EPHA3: variants seen among roughly 807,000 people sequenced by gnomAD.
EPHA3 encodes EPH receptor A3.
A neutral mutation model predicts 107.1 loss-of-function variants in EPHA3; 42 were observed. The ratio of observed to expected loss-of-function variants is 0.39; its 90% CI spans 0.31 to 0.51. The LOEUF is 0.51. Ranked by LOEUF, EPHA3 falls within the 20% of genes least tolerant of loss-of-function variation. The pLI is 0.78. For synonymous variants in EPHA3, 461 were observed against 424.8 expected (o/e 1.09, Z -1.05); for missense variants, 1,183 against 1,211.2 (o/e 0.98, Z 0.35).
intron 15 of EPHA3, among the ~76,000 whole-genome samples, chr3:89,470,178 T>C (rs1272170453): frequency 2.0e-5 from 3 of 152,064 alleles, no homozygotes; most frequent in Non-Finnish European, 2.9e-5. Flanking sequence ...GGAATGATTG[T>C]GAAGTTGTAA....
At chr3:89,295,947 C>T (rs1706343469) in intron 3 of EPHA3, among the ~76,000 whole-genome samples, 1 of 152,150 alleles carries the variant, frequency 6.6e-6, no homozygotes, top group South Asian at 2.1e-4. Flanking sequence ...GATTTCATCT[C>T]AAGGAATAAT....
intron 5 of EPHA3, among the ~76,000 whole-genome samples, chr3:89,343,658 G>A (rs758983852): frequency 4.6e-5 from 7 of 152,014 alleles, no homozygotes; most frequent in South Asian, 2.1e-4. Context: ...TTTCTCTTTC[G>A]TTTCCACTTT....
rs1400407171 is a variant in EPHA3, at chr3:89,401,108, T to C, written c.1594+1628T>C. ...TGATACCTGATAAAAACTTTCAGGA[T>C]TGACCTAAAAATATAAGAATCATTC... On this transcript the variant is annotated intron_variant, in intron 7 of 16. Coordinates refer to ENST00000336596, the MANE Select transcript of EPHA3 (RefSeq NM_005233.6). Among the ~76,000 whole-genome samples, 4 of 152,204 alleles carry C rather than the reference T, an allele frequency of 2.6e-5. No homozygotes were observed. The South Asian group carries it at 6.2e-4, about 24-fold the overall frequency.
At chr3:89,431,489 T>G (rs1709568852) in intron 13 of EPHA3, 130 bp downstream of exon 13, 1 of 630,934 alleles carries the variant, frequency 1.6e-6, no homozygotes, top group Non-Finnish European at 2.6e-6. Context: ...AAACATATCT[T>G]AAAATTAAAA....
At chr3:89,478,116 A>T (rs528618500) in intron 16 of EPHA3, among the ~76,000 whole-genome samples, 1 of 152,320 alleles carries the variant, frequency 6.6e-6, no homozygotes, top group Admixed American at 6.5e-5. Context: ...AAGAATATAT[A>T]ATTAACCATT....
chr3:89,412,708 T>C (rs780160044), intron 9 of EPHA3, among the ~76,000 whole-genome samples: 5 of 151,778 alleles, frequency 3.3e-5, no homozygotes, highest in East Asian at 1.9e-4. Flanking sequence ...TATAATTGTA[T>C]TGAATTATTT....
At chr3:89,392,142 A>G (rs1708756371) in intron 5 of EPHA3, among the ~76,000 whole-genome samples, 2 of 152,138 alleles carry the variant, frequency 1.3e-5, no homozygotes, top group South Asian at 4.1e-4. Context: ...TGTAAGAGGC[A>G]GAAAATTAAA....
intron 3 of EPHA3, among the ~76,000 whole-genome samples, chr3:89,235,900 A>T (rs1704747159): frequency 1.3e-5 from 2 of 151,984 alleles, no homozygotes; most frequent in Non-Finnish European, 2.9e-5. Context: ...TAAATAAATA[A>T]TAAAAAGTGG....
chr3:89,108,781 C>T (rs752264806), intron 1 of EPHA3, among the ~76,000 whole-genome samples: 5 of 152,150 alleles, frequency 3.3e-5, no homozygotes, highest in African/African-American at 4.8e-5. Flanking sequence ...CTTGTGAATA[C>T]AGTCACTAAC....
At chr3:89,375,366 T>A (rs1360009282) in intron 5 of EPHA3, among the ~76,000 whole-genome samples, 1 of 151,702 alleles carries the variant, frequency 6.6e-6, no homozygotes, top group Non-Finnish European at 1.5e-5. Flanking sequence ...TTGGGAATGA[T>A]CCCTGAAAAC....
intron 3 of EPHA3, among the ~76,000 whole-genome samples, chr3:89,261,541 G>A (rs1366711227): frequency 6.6e-6 from 1 of 152,020 alleles, no homozygotes; most frequent in Non-Finnish European, 1.5e-5. Flanking sequence ...AGAGCAAGGG[G>A]ATCTTTGACT....
At chr3:89,447,858 C>T (rs1001202898) in intron 13 of EPHA3, among the ~76,000 whole-genome samples, 2 of 152,136 alleles carry the variant, frequency 1.3e-5, no homozygotes, top group African/African-American at 4.8e-5. Context: ...CCCTAAATTG[C>T]TAATCCATTT....
chr3:89,243,616 T>C (rs192415457), intron 3 of EPHA3, among the ~76,000 whole-genome samples: 80 of 152,346 alleles, frequency 5.3e-4, no homozygotes, highest in Non-Finnish European at 2.2e-4. Context: ...GTTTTTTTCT[T>C]GTAAATTTGT....
rs2107575399 is a variant in EPHA3, at chr3:89,472,603, G to A, written c.2830G>A (p.Ala944Thr). 1.9e-6 allele frequency: 3 copies of A among 1,611,070 alleles called. No homozygotes were observed. The highest frequency in any genetic ancestry group is 2.5e-6 in the Non-Finnish European group (3 of 1,178,538). ...GVEYSSCDTI[A>T]KISTDDMKKV... The stretch of plus-strand genomic sequence containing the variant: ...GGAGTACAGTTCTTGTGACACAATA[G>A]CCAAGATTTCCACAGAGTAAGAAAA... Residue 944 changes from alanine to threonine, a missense_variant, in exon 16 of 17, where the codon GCC becomes ACC. Ala to Thr is a moderately conservative substitution (Grantham distance 58). Coordinates refer to ENST00000336596, the MANE Select transcript of EPHA3 (RefSeq NM_005233.6).
intron 2 of EPHA3, among the ~76,000 whole-genome samples, chr3:89,141,138 A>G (rs1179117116): frequency 6.6e-6 from 1 of 151,616 alleles, no homozygotes; most frequent in Non-Finnish European, 1.5e-5. Flanking sequence ...TATACTACAT[A>G]TGGTAAGAGA....
At chr3:89,206,523 G>T (rs371172196) in intron 2 of EPHA3, among the ~76,000 whole-genome samples, 1 of 152,218 alleles carries the variant, frequency 6.6e-6, no homozygotes, top group Non-Finnish European at 1.5e-5. Flanking sequence ...GAAAGCATTT[G>T]TTCTCTAGAG....
Position 89,341,061 on chromosome 3 carries a change from G to A in EPHA3, c.960G>A (p.Met320Ile). Residue 320 changes from methionine (M) to isoleucine (I), a missense_variant, in exon 4 of 17, where the codon ATG becomes ATA. Transcript: ENST00000336596. ...YFRADKDPPS[M>I]ACTRPPSSPR... ...GGGCAGACAAAGACCCTCCATCCATGGCTTGTACCCGTGAGTAGTTTTGCT... is the reference window on the plus strand; with the variant it reads ...GGGCAGACAAAGACCCTCCATCCATAGCTTGTACCCGTGAGTAGTTTTGCT... 6.2e-7 allele frequency: 1 copy of A among 1,612,966 alleles called. No individual in the cohort carries two copies.
intron 10 of EPHA3, 33 bp downstream of exon 10, chr3:89,413,299 C>A: frequency 6.2e-7 from 1 of 1,610,074 alleles, no homozygotes; most frequent in Non-Finnish European, 8.5e-7. Context: ...CAACTTAGTA[C>A]TGTATGTGAA....
chr3:89,451,598 G>T (rs1709990943), intron 15 of EPHA3, among the ~76,000 whole-genome samples: 1 of 152,072 alleles, frequency 6.6e-6, no homozygotes, highest in South Asian at 2.1e-4. Context: ...GGGACCTCTA[G>T]CTATGTGCCT....
Sources: allele counts gnomAD v4.1 joint callset (sites outside exome capture counted in the v4.1 genomes callset), GRCh38; gene constraint gnomAD v4.1.1; transcripts MANE v1.5; gene names NCBI Gene and HGNC (gene_info 2026-07-23, HGNC 2026-07-21).